The following TANGO6 variants were observed in gnomAD, a reference collection of about 807,000 sequenced individuals.
TANGO6 encodes transport and golgi organization 6 homolog, also known as transport and Golgi organization protein 6 homolog.
A neutral mutation model predicts 114.2 loss-of-function variants in TANGO6; 90 were observed. The ratio of observed to expected loss-of-function variants is 0.79; its 90% CI spans 0.66 to 0.94. The LOEUF is 0.94. Among genes scored for constraint, TANGO6 ranks in the 40% least tolerant of loss-of-function variants. The pLI, the probability that TANGO6 is intolerant of heterozygous loss-of-function variation, is 0.00. For missense variants in TANGO6, 1,274 were observed against 1,315.3 expected (o/e 0.97, Z 0.49); for synonymous variants, 477 against 509.8 (o/e 0.94, Z 0.87).
intron 15 of TANGO6, among the ~76,000 whole-genome samples, chr16:68,999,240 C>A (rs564498059): frequency 6.6e-6 from 1 of 152,220 alleles, no homozygotes; most frequent in African/African-American, 2.4e-5. Context: ...CCTGTAGATA[C>A]TTGTATGAGT....
At chr16:68,968,064 G>T (rs906233362) in intron 14 of TANGO6, among the ~76,000 whole-genome samples, 1 of 151,846 alleles carries the variant, frequency 6.6e-6, no homozygotes, top group African/African-American at 2.4e-5. Context: ...TGTAGTTATC[G>T]TAATAACATT....
intron 14 of TANGO6, among the ~76,000 whole-genome samples, chr16:68,946,001 A>T (rs1248025999): frequency 1.3e-5 from 2 of 148,798 alleles, no homozygotes; most frequent in African/African-American, 2.5e-5. Flanking sequence ...CCCATTTTTA[A>T]TTTTTTTTTT....
chr16:68,981,424 T>G (rs1426535370), intron 15 of TANGO6, among the ~76,000 whole-genome samples: 1 of 152,100 alleles, frequency 6.6e-6, no homozygotes, highest in Non-Finnish European at 1.5e-5. Context: ...TTGGCTAGGC[T>G]GGTCTCGACC....
chr16:68,945,388 C>A (rs1963403220), intron 14 of TANGO6, among the ~76,000 whole-genome samples: 1 of 150,864 alleles, frequency 6.6e-6, no homozygotes, highest in African/African-American at 2.4e-5. Context: ...TTTTTAATTT[C>A]TTGGTTTTAG....
chr16:69,059,188 C>T (rs1026269291), intron 17 of TANGO6, among the ~76,000 whole-genome samples: 2 of 151,752 alleles, frequency 1.3e-5, no homozygotes, highest in East Asian at 2.0e-4. Context: ...AATTATCCCA[C>T]CTCAGCCTCC....
At chr16:68,951,729 C>A (rs184631466) in intron 14 of TANGO6, among the ~76,000 whole-genome samples, 54 of 152,010 alleles carry the variant, frequency 3.6e-4, no homozygotes, top group African/African-American at 1.2e-3. Context: ...TCTCCTGCCT[C>A]AGCCTCCTGA....
At chr16:68,854,899 A>G (rs1961960423) in intron 1 of TANGO6, among the ~76,000 whole-genome samples, 1 of 152,018 alleles carries the variant, frequency 6.6e-6, no homozygotes, top group Non-Finnish European at 1.5e-5. Context: ...ATAGGTTTCT[A>G]TATAAATTTT....
chr16:68,937,628 G>T (rs186116113), intron 14 of TANGO6: 8 of 152,116 alleles, frequency 5.3e-5, no homozygotes, highest in African/African-American at 1.9e-4. Flanking sequence ...TCATATAAAT[G>T]GAATTATACA....
intron 17 of TANGO6, among the ~76,000 whole-genome samples, chr16:69,051,276 C>T (rs574184664): frequency 6.6e-6 from 1 of 152,108 alleles, no homozygotes; most frequent in African/African-American, 2.4e-5. Flanking sequence ...CACGGTGGCT[C>T]ACGCCTGTAA....
chr16:68,866,372 C>T (rs1391361846), intron 3 of TANGO6, among the ~76,000 whole-genome samples: 2 of 151,808 alleles, frequency 1.3e-5, no homozygotes, highest in Non-Finnish European at 2.9e-5. Flanking sequence ...GCCTGTAATC[C>T]CAGCACTTTG....
At chr16:68,954,268 A>G (rs1046600495) in intron 14 of TANGO6, among the ~76,000 whole-genome samples, 2 of 150,096 alleles carry the variant, frequency 1.3e-5, no homozygotes, top group South Asian at 2.1e-4. Flanking sequence ...AAAAAAAAAA[A>G]GGAAGGAGGA....
intron 16 of TANGO6, among the ~76,000 whole-genome samples, chr16:69,036,687 G>T (rs1233139762): frequency 2.6e-5 from 4 of 152,138 alleles, no homozygotes; most frequent in Admixed American, 6.5e-5. Flanking sequence ...CTTGACCGGG[G>T]TGCAGTAGTT....
At chr16:68,888,218 A>T (rs145225103) in intron 7 of TANGO6, among the ~76,000 whole-genome samples, 1 of 152,188 alleles carries the variant, frequency 6.6e-6, no homozygotes, top group African/African-American at 2.4e-5. Flanking sequence ...CTTTTAGTCC[A>T]GTGGTTCTCC....
At chr16:69,082,150 AT>A (rs1960474533) in intron 17 of TANGO6, among the ~76,000 whole-genome samples, 1 of 152,150 alleles carries the variant, frequency 6.6e-6, no homozygotes, top group Admixed American at 6.5e-5. Flanking sequence ...CGCCCAGCTA[AT>A]TTTTTATATT....
chr16:68,938,377 A>G (rs181251979), intron 14 of TANGO6, among the ~76,000 whole-genome samples: 1 of 152,298 alleles, frequency 6.6e-6, no homozygotes, highest in Non-Finnish European at 1.5e-5. Flanking sequence ...AGTGGGTAAA[A>G]TGAGTCTTAG....
chr16:68,905,829 C>T (rs969874538), intron 9 of TANGO6, among the ~76,000 whole-genome samples: 2 of 152,028 alleles, frequency 1.3e-5, no homozygotes, highest in African/African-American at 4.8e-5. Context: ...GCCACGATCG[C>T]ACCACTGCAC....
intron 9 of TANGO6, among the ~76,000 whole-genome samples, chr16:68,904,262 A>G (rs1962821153): frequency 6.6e-6 from 1 of 152,164 alleles, no homozygotes; most frequent in Admixed American, 6.6e-5. Context: ...GCGCGCCACC[A>G]TGCCAGGCTA....
intron 4 of TANGO6, among the ~76,000 whole-genome samples, chr16:68,873,696 G>GT (rs1476006016): frequency 1.3e-5 from 2 of 152,170 alleles, no homozygotes; most frequent in Admixed American, 6.5e-5. Flanking sequence ...AATTCCTCAT[G>GT]TGGATATGCT....
At chr16:68,896,404 C>G (rs1018445235) in intron 7 of TANGO6, among the ~76,000 whole-genome samples, 4 of 152,068 alleles carry the variant, frequency 2.6e-5, no homozygotes, top group Admixed American at 2.6e-4. Context: ...CCTCAAGCCC[C>G]TGGGCTCAAG....
Sources: allele counts gnomAD v4.1 joint callset (sites outside exome capture counted in the v4.1 genomes callset), GRCh38; gene constraint gnomAD v4.1.1; transcripts MANE v1.5; gene names NCBI Gene and HGNC (gene_info 2026-07-23, HGNC 2026-07-21).